The following C12orf56 variants were observed in gnomAD, a reference collection of about 807,000 sequenced individuals.
The protein encoded by C12orf56 is chromosome 12 open reading frame 56.
Under a neutral mutation model 69.9 loss-of-function variants are expected in C12orf56, and 71 were observed. The observed-to-expected ratio is 1.02, with a 90% CI of 0.84 to 1.24. C12orf56 has a LOEUF of 1.24. Ranked by LOEUF, C12orf56 falls within the 50% of genes most tolerant of loss-of-function variation. The probability of loss-of-function intolerance (pLI) is 0.00; values close to 1 mark genes in which losing one functional copy is unlikely to be tolerated. For missense variants in C12orf56, 732 were observed against 738.5 expected (o/e 0.99, Z 0.10); for synonymous variants, 276 against 274.1 (o/e 1.01, Z -0.07).
intron 1 of C12orf56, among the ~76,000 whole-genome samples, chr12:64,359,177 T>G (rs892571589): frequency 1.3e-5 from 2 of 152,186 alleles, no homozygotes; most frequent in Non-Finnish European, 2.9e-5. Flanking sequence ...ATAAAGTATC[T>G]GAACAGTTAG....
At chr12:64,313,261 CA>C (rs769254039) in intron 4 of C12orf56, among the ~76,000 whole-genome samples, 1,328 of 109,328 alleles carry the variant, frequency 0.012, 14 homozygotes, top group Non-Finnish European at 0.017. Context: ...GACTCTGTCT[CA>C]AAAAAAAAAA....
At chr12:64,310,723 A>T (rs564241102) in intron 5 of C12orf56, among the ~76,000 whole-genome samples, 11 of 149,642 alleles carry the variant, frequency 7.4e-5, no homozygotes, top group Non-Finnish European at 1.2e-4. Flanking sequence ...TTCTTTCTTT[A>T]TTTTTTTTTA....
Position 64,331,052 on chromosome 12 carries a change from T to C in C12orf56, c.416-20A>G. The C allele has an allele frequency of 6.7e-7, 1 of 1,495,560 alleles. No homozygotes were observed. Among genetic ancestry groups the C allele is most frequent in the Non-Finnish European group, 9.1e-7 (1 of 1,102,442 alleles). The allele number at this position is 1,495,560 out of a possible 1,614,324, so 92.6% of individuals were successfully genotyped here. ...CCTTGACTTAAAAAAAAAATAGTTATTTGGTCATTAATTAAATAATTTGAT... is the reference window on the plus strand; with the variant it reads ...CCTTGACTTAAAAAAAAAATAGTTACTTGGTCATTAATTAAATAATTTGAT... On this transcript the variant is annotated intron_variant, in intron 2 of 12. Transcript: ENST00000543942.
chr12:64,277,361 T>C (rs996459124), intron 9 of C12orf56, among the ~76,000 whole-genome samples: 1 of 152,154 alleles, frequency 6.6e-6, no homozygotes, highest in Non-Finnish European at 1.5e-5. Context: ...TCATGTTTTG[T>C]ACACAGACAG....
Position 64,362,308 on chromosome 12 carries a change from C to T in C12orf56, c.253-9252G>A, listed in dbSNP as rs572995661. On this transcript the variant is annotated intron_variant, in intron 1 of 12. Transcript: ENST00000543942. ...AGGAACTGTTACCGGAAAGTGGTCT[C>T]GATACAGAACCCAAGAGAGGGTTCA... is the stretch of plus-strand genomic sequence containing the variant. Among the ~76,000 whole-genome samples the T allele has an allele frequency of 3.2e-4, 48 of 151,944 alleles. 1 individual carries two copies. Among genetic ancestry groups the T allele is most frequent in the Non-Finnish European group, 6.2e-4 (42 of 68,014 alleles).
Sources: gnomAD v4.1 joint callset for allele counts (sites outside exome capture counted in the v4.1 genomes callset) on GRCh38, gnomAD v4.1.1 for gene constraint, MANE v1.5 for transcripts, NCBI Gene and HGNC (gene_info 2026-07-23, HGNC 2026-07-21) for gene names.